AK5: variants seen among roughly 807,000 people sequenced by gnomAD.
AK5 encodes the protein adenylate kinase isoenzyme 5.
In AK5, 27 loss-of-function variants were observed where a neutral mutation model predicts 69.5. That is an observed-to-expected ratio of 0.39 (90% CI 0.29 to 0.54). The LOEUF is 0.54. AK5 is among the 20% of genes least tolerant of loss of function. AK5 has a pLI of 0.71. For missense variants in AK5, 531 were observed against 700.4 expected (o/e 0.76, Z 2.73); for synonymous variants, 260 against 244.4 (o/e 1.06, Z -0.60).
At chr1:77,362,765 G>A (rs2100442363) in intron 6 of AK5, among the ~76,000 whole-genome samples, 1 of 152,248 alleles carries the variant, frequency 6.6e-6, no homozygotes, top group South Asian at 2.1e-4. Flanking sequence ...AATTAAAAGA[G>A]ATTGCTTTAA....
At position 77,282,146 on chromosome 1, in the gene AK5, C is replaced by T; in HGVS notation, c.-168C>T. Reference sequence around the variant, plus strand: ...GGAGACCACAGCCCCCGGGGAGAGGCGGAGGGGGTCCCTGGCCTGGGCGGA... The same window carrying T: ...GGAGACCACAGCCCCCGGGGAGAGGTGGAGGGGGTCCCTGGCCTGGGCGGA... On this transcript the variant is annotated 5_prime_UTR_variant, in exon 1 of 14. Transcript: ENST00000354567. 3.9e-6 allele frequency: 2 copies of T among 513,552 alleles called. No individual in the cohort carries two copies. Among genetic ancestry groups the T allele is most frequent in the South Asian group, 4.0e-5 (1 of 25,072 alleles). The allele number at this position is 513,552 out of a possible 1,614,324, so 31.8% of individuals were successfully genotyped here.
intron 5 of AK5, among the ~76,000 whole-genome samples, chr1:77,319,016 C>T (rs1308579896): frequency 6.6e-6 from 1 of 152,020 alleles, no homozygotes; most frequent in East Asian, 1.9e-4. Context: ...GGACAAACAA[C>T]AAAAGATAGT....
chr1:77,464,907 G>A (rs1654048424), intron 8 of AK5, among the ~76,000 whole-genome samples: 1 of 152,036 alleles, frequency 6.6e-6, no homozygotes, highest in Non-Finnish European at 1.5e-5. Flanking sequence ...GGAGAACAAG[G>A]GAGAGCGAAT....
chr1:77,385,451 G>A (rs925368882), intron 6 of AK5, among the ~76,000 whole-genome samples: 20 of 152,082 alleles, frequency 1.3e-4, no homozygotes, highest in South Asian at 2.1e-4. Context: ...GAGCCACTGC[G>A]CCCGGCCAGA....
At position 77,291,390 on chromosome 1, in the gene AK5, C is replaced by T. The variant is rs118158855; in HGVS notation, c.248-2403C>T. Among the ~76,000 whole-genome samples the T allele has an allele frequency of 9.2e-5, 14 of 152,212 alleles. No homozygotes were observed. The East Asian group carries it at 2.7e-3, about 29-fold the overall frequency. ...GTTGATTACTTTAACAGCCTAGCTG[C>T]TACTTTTTCTGCTCTTAGTCTTTCC... On this transcript the variant is annotated intron_variant, in intron 2 of 13. Coordinates refer to ENST00000354567, the MANE Select transcript of AK5 (RefSeq NM_174858.3).
intron 5 of AK5, among the ~76,000 whole-genome samples, chr1:77,324,835 C>T (rs12060669): frequency 1.3e-5 from 2 of 152,108 alleles, no homozygotes; most frequent in African/African-American, 4.8e-5. Flanking sequence ...TTCTGCAGAT[C>T]GTTTCATTGG....
intron 13 of AK5, among the ~76,000 whole-genome samples, chr1:77,540,023 C>T (rs995240948): frequency 3.3e-5 from 5 of 152,202 alleles, no homozygotes; most frequent in Non-Finnish European, 7.3e-5. Context: ...CCACAAGCAC[C>T]GCCCTCAGGC....
chr1:77,324,068 C>T (rs1231978951), intron 5 of AK5, among the ~76,000 whole-genome samples: 1 of 152,162 alleles, frequency 6.6e-6, no homozygotes. Context: ...ACTCAAGGCA[C>T]CAGCACAATT....
chr1:77,444,027 A>G (rs893524879), intron 8 of AK5, among the ~76,000 whole-genome samples: 4 of 150,886 alleles, frequency 2.7e-5, no homozygotes, highest in African/African-American at 4.9e-5. Flanking sequence ...CATGTTGTAC[A>G]TTAAATCTTT....
intron 8 of AK5, among the ~76,000 whole-genome samples, chr1:77,452,611 T>A (rs1167270078): frequency 6.6e-6 from 1 of 152,198 alleles, no homozygotes; most frequent in Non-Finnish European, 1.5e-5. Context: ...GCGGCCAGGC[T>A]AGATTAAACG....
At chr1:77,300,705 C>G (rs957815765) in intron 5 of AK5, among the ~76,000 whole-genome samples, 1 of 152,124 alleles carries the variant, frequency 6.6e-6, no homozygotes, top group African/African-American at 2.4e-5. Context: ...AGGTTAAGAG[C>G]TTAGTTCCAC....
Position 77,302,038 on chromosome 1 carries a change from C to T in AK5, c.699+4091C>T, listed in dbSNP as rs536203131. Among the ~76,000 whole-genome samples, 6 of 151,924 alleles carry T rather than the reference C, an allele frequency of 3.9e-5. 1 individual carries two copies. The highest frequency in any genetic ancestry group is 1.2e-4 in the African/African-American group (5 of 41,418). ...GCACCACTGTAGCTCACTGCAGCCT[C>T]GAACTCCTGGACCACACTCAGCTAG... is the stretch of plus-strand genomic sequence containing the variant. On this transcript the variant is annotated intron_variant, in intron 5 of 13. Transcript: ENST00000354567.
chr1:77,391,464 TAC>T (rs200100890), intron 6 of AK5, among the ~76,000 whole-genome samples: 7,733 of 126,884 alleles, frequency 0.061, 398 homozygotes, highest in South Asian at 0.12. Flanking sequence ...TATATATATA[TAC>T]ACATATGTGT....
intron 6 of AK5, among the ~76,000 whole-genome samples, chr1:77,402,308 A>ATTG (rs908410090): frequency 9.9e-5 from 15 of 151,518 alleles, no homozygotes; most frequent in African/African-American, 1.7e-4. Context: ...TATTATTATT[A>ATTG]TTGTACTTTA....
intron 2 of AK5, among the ~76,000 whole-genome samples, chr1:77,287,403 A>G (rs1458345833): frequency 2.0e-5 from 3 of 152,260 alleles, no homozygotes; most frequent in Non-Finnish European, 4.4e-5. Context: ...AGCAAGCCAT[A>G]CATACATTTT....
intron 6 of AK5, among the ~76,000 whole-genome samples, chr1:77,364,864 C>T (rs1371687784): frequency 1.3e-5 from 2 of 152,150 alleles, no homozygotes; most frequent in Admixed American, 1.3e-4. Flanking sequence ...ATACTGATTG[C>T]TTTTCCTTTG....
chr1:77,310,198 C>T (rs1020341429), intron 5 of AK5, among the ~76,000 whole-genome samples: 3 of 152,072 alleles, frequency 2.0e-5, no homozygotes, highest in African/African-American at 4.8e-5. Flanking sequence ...TGTTGACTTG[C>T]GCATCTTTTC....
chr1:77,531,989 T>TCCGGCCGGCCGGCCATCCGGCCGG (rs1658644167), intron 12 of AK5: 1 of 148,532 alleles, frequency 6.7e-6, no homozygotes, highest in Non-Finnish European at 1.5e-5. Flanking sequence ...CCTGCGGCCA[T>TCCGGCCGGCCGGCCATCCGGCCGG]CCGGCCGGCC....
At chr1:77,513,048 C>T (rs1275165789) in intron 10 of AK5, among the ~76,000 whole-genome samples, 4 of 152,222 alleles carry the variant, frequency 2.6e-5, no homozygotes, top group Non-Finnish European at 5.9e-5. Context: ...TCTATAACCA[C>T]GTGACTAGTA....
Sources: gnomAD v4.1 joint callset for allele counts (sites outside exome capture counted in the v4.1 genomes callset) on GRCh38, gnomAD v4.1.1 for gene constraint, MANE v1.5 for transcripts, NCBI Gene and HGNC (gene_info 2026-07-23, HGNC 2026-07-21) for gene names.